The following FAM135B variants were observed in gnomAD, a reference collection of about 807,000 sequenced individuals.
The protein encoded by FAM135B is family with sequence similarity 135 member B, also known as protein FAM135B.
A neutral mutation model predicts 127.7 loss-of-function variants in FAM135B; 43 were observed. The ratio of observed to expected loss-of-function variants is 0.34; its 90% CI spans 0.26 to 0.43. The LOEUF (loss-of-function observed/expected upper bound fraction) is 0.43. Ranked by LOEUF, FAM135B falls within the 20% of genes least tolerant of loss-of-function variation. The pLI is 1.00. For synonymous variants in FAM135B, 670 were observed against 665.1 expected (o/e 1.01, Z -0.11); for missense variants, 1,558 against 1,725.6 (o/e 0.90, Z 1.72).
intron 2 of FAM135B, among the ~76,000 whole-genome samples, chr8:138,318,420 A>G (rs1827232824): frequency 6.6e-6 from 1 of 152,168 alleles, no homozygotes; most frequent in African/African-American, 2.4e-5. Flanking sequence ...GGTTACAGCT[A>G]TGCTCAAGAT....
intron 1 of FAM135B, among the ~76,000 whole-genome samples, chr8:138,434,971 C>G (rs1465119537): frequency 6.6e-6 from 1 of 152,220 alleles, no homozygotes; most frequent in African/African-American, 2.4e-5. Context: ...ACCTGCTCCA[C>G]TATCAGACAA....
intron 4 of FAM135B, among the ~76,000 whole-genome samples, chr8:138,260,328 C>T (rs957248249): frequency 2.0e-5 from 3 of 152,228 alleles, no homozygotes; most frequent in Admixed American, 6.5e-5. Flanking sequence ...CTGGGCCCCT[C>T]AGCTGGACTG....
At chr8:138,140,548 G>A (rs1817046549) in intron 17 of FAM135B, among the ~76,000 whole-genome samples, 1 of 152,082 alleles carries the variant, frequency 6.6e-6, no homozygotes, top group East Asian at 1.9e-4. Context: ...GGAGTCAGTC[G>A]AGGTCCTTCT....
At chr8:138,467,336 C>T (rs1014654878) in intron 1 of FAM135B, among the ~76,000 whole-genome samples, 3 of 152,030 alleles carry the variant, frequency 2.0e-5, no homozygotes, top group African/African-American at 7.2e-5. Context: ...TGAAGGCCCT[C>T]GGCCTGTGTT....
At chr8:138,408,515 T>C (rs1355826009) in intron 1 of FAM135B, among the ~76,000 whole-genome samples, 1 of 152,178 alleles carries the variant, frequency 6.6e-6, no homozygotes, top group African/African-American at 2.4e-5. Context: ...TGGATTTTGC[T>C]TCTACTTAAG....
At position 138,239,795 on chromosome 8, in the gene FAM135B, T is replaced by G. The variant is rs528589264; in HGVS notation, c.669+3147A>C. 8.5e-5 allele frequency among the ~76,000 whole-genome samples: 13 copies of G among 152,286 alleles called. No individual in the cohort carries two copies. In the South Asian group the frequency reaches 2.7e-3, roughly 32 times the overall value. On this transcript the variant is annotated intron_variant, in intron 7 of 19. Transcript: ENST00000395297. ...CTGGATTAAGAAAATGTGGAACACA[T>G]ACACCATGGAATACTATGCAGCCAT... is the stretch of plus-strand genomic sequence containing the variant.
chr8:138,338,563 C>A (rs990333822), intron 2 of FAM135B, among the ~76,000 whole-genome samples: 1 of 151,252 alleles, frequency 6.6e-6, no homozygotes, highest in Non-Finnish European at 1.5e-5. Context: ...CAATGAGATA[C>A]CATCTCACAC....
At chr8:138,344,573 C>CTTTATTTT (rs869311243) in intron 2 of FAM135B, among the ~76,000 whole-genome samples, 1 of 113,614 alleles carries the variant, frequency 8.8e-6, no homozygotes, top group Non-Finnish European at 1.8e-5. Context: ...CACTTTCTTT[C>CTTTATTTT]TTTCTTTTTT....
chr8:138,378,084 C>G (rs890387030), intron 1 of FAM135B, among the ~76,000 whole-genome samples: 15 of 152,216 alleles, frequency 9.9e-5, no homozygotes, highest in African/African-American at 3.6e-4. Flanking sequence ...GGACAAGTCA[C>G]ATAACATCTC....
intron 3 of FAM135B, among the ~76,000 whole-genome samples, chr8:138,283,673 G>C (rs1045545937): frequency 2.6e-5 from 4 of 151,786 alleles, no homozygotes; most frequent in Non-Finnish European, 4.4e-5. Context: ...GTTGATAATG[G>C]GGGAGGCCTT....
Position 138,137,143 on chromosome 8 carries a change from T to A in FAM135B, c.4015+4A>T, listed in dbSNP as rs1427723792. ...TCCCTGAGCAAAAATTAAATGTAGCTTACCTGTGTGTCTGTCTTTGAGGGC... is the reference window on the plus strand; with the variant it reads ...TCCCTGAGCAAAAATTAAATGTAGCATACCTGTGTGTCTGTCTTTGAGGGC... On this transcript the variant is annotated splice_donor_region_variant and intron_variant, in intron 19 of 19. Coordinates refer to ENST00000395297, the MANE Select transcript of FAM135B (RefSeq NM_015912.4). The A allele has an allele frequency of 7.1e-7, 1 of 1,411,538 alleles. No individual in the cohort carries two copies. Among genetic ancestry groups the A allele is most frequent in the African/African-American group, 1.4e-5 (1 of 70,816 alleles). The allele number at this position is 1,411,538 out of a possible 1,614,324, so 87.4% of individuals were successfully genotyped here.
chr8:138,200,260 C>G (rs1455750017), intron 7 of FAM135B, among the ~76,000 whole-genome samples: 1 of 152,194 alleles, frequency 6.6e-6, no homozygotes, highest in Non-Finnish European at 1.5e-5. Context: ...CATTTTGGAA[C>G]CAGAAAACTC....
intron 1 of FAM135B, among the ~76,000 whole-genome samples, chr8:138,469,830 G>C (rs554288398): frequency 6.6e-6 from 1 of 152,184 alleles, no homozygotes; most frequent in Non-Finnish European, 1.5e-5. Flanking sequence ...CCCCAACACA[G>C]AGCTCTCAGT....
intron 4 of FAM135B, among the ~76,000 whole-genome samples, chr8:138,258,028 G>A (rs1374709947): frequency 2.0e-5 from 3 of 152,114 alleles, no homozygotes; most frequent in African/African-American, 4.8e-5. Context: ...TCACTGACAC[G>A]CATTTGGCCT....
chr8:138,375,527 T>C (rs1362725208), intron 1 of FAM135B, among the ~76,000 whole-genome samples: 1 of 152,120 alleles, frequency 6.6e-6, no homozygotes, highest in Non-Finnish European at 1.5e-5. Context: ...AACGAATAAA[T>C]CTTTATCCCC....
chr8:138,423,895 T>A (rs893070250), intron 1 of FAM135B, among the ~76,000 whole-genome samples: 1 of 152,316 alleles, frequency 6.6e-6, no homozygotes, highest in East Asian at 1.9e-4. Context: ...GGGTGCATTC[T>A]CTTTCTCAGG....
At chr8:138,486,725 T>C (rs1486610391) in intron 1 of FAM135B, among the ~76,000 whole-genome samples, 2 of 152,146 alleles carry the variant, frequency 1.3e-5, no homozygotes, top group Admixed American at 6.5e-5. Flanking sequence ...ACTGCTTCCC[T>C]CTCTCTCTGA....
intron 1 of FAM135B, among the ~76,000 whole-genome samples, chr8:138,374,081 AT>A (rs1457072194): frequency 6.6e-6 from 1 of 152,144 alleles, no homozygotes; most frequent in East Asian, 1.9e-4. Flanking sequence ...AAAATCCCTA[AT>A]AAAAACTTAC....
intron 2 of FAM135B, among the ~76,000 whole-genome samples, chr8:138,331,593 A>C (rs55714800): frequency 1.1e-4 from 17 of 152,162 alleles, no homozygotes; most frequent in Non-Finnish European, 2.2e-4. Flanking sequence ...ACACTACAGA[A>C]AGGTCTTCCA....
Sources: allele counts gnomAD v4.1 joint callset (sites outside exome capture counted in the v4.1 genomes callset), GRCh38; gene constraint gnomAD v4.1.1; transcripts MANE v1.5; gene names NCBI Gene and HGNC (gene_info 2026-07-23, HGNC 2026-07-21).